The following AGBL4 variants were observed in gnomAD, a reference collection of about 807,000 sequenced individuals.
AGBL4 encodes the protein AGBL carboxypeptidase 4.
A neutral mutation model predicts 66.4 loss-of-function variants in AGBL4; 58 were observed. The observed-to-expected ratio is 0.87, with a 90% confidence interval of 0.71 to 1.09. AGBL4 has a LOEUF of 1.09. Among genes scored for constraint, AGBL4 ranks in the 50% least tolerant of loss-of-function variants. The probability of loss-of-function intolerance (pLI) is 0.00; values close to 1 mark genes in which losing one functional copy is unlikely to be tolerated. For synonymous variants in AGBL4, 234 were observed against 222.9 expected, an observed-to-expected ratio of 1.05 and a Z score of -0.44; for missense variants, 579 against 631.0, an observed-to-expected ratio of 0.92 and a Z score of 0.88.
At chr1:49,947,996 AT>A (rs1557607490) in intron 1 of AGBL4, among the ~76,000 whole-genome samples, 2 of 40,004 alleles carry the variant, frequency 5.0e-5, no homozygotes, top group Non-Finnish European at 1.2e-4. Flanking sequence ...ATTTATATAT[AT>A]AAATATATAT....
chr1:49,886,439 T>C (rs1648047210), intron 1 of AGBL4, among the ~76,000 whole-genome samples: 1 of 152,018 alleles, frequency 6.6e-6, no homozygotes. Context: ...AGGCATTGTA[T>C]GATATGCTAA....
chr1:49,618,606 A>C (rs942741866), intron 3 of AGBL4, among the ~76,000 whole-genome samples: 1 of 152,222 alleles, frequency 6.6e-6, no homozygotes. Flanking sequence ...ATTCCTCCCT[A>C]ATTCATTTTA....
intron 3 of AGBL4, among the ~76,000 whole-genome samples, chr1:49,426,606 C>T (rs1484062163): frequency 6.6e-6 from 1 of 151,996 alleles, no homozygotes; most frequent in African/African-American, 2.4e-5. Flanking sequence ...TGAGCAATAG[C>T]TTCTACTTAT....
chr1:48,963,200 CA>C (rs1407296004), intron 5 of AGBL4, among the ~76,000 whole-genome samples: 1 of 151,608 alleles, frequency 6.6e-6, no homozygotes, highest in Non-Finnish European at 1.5e-5. Flanking sequence ...AAAAGGAAGC[CA>C]CATTCCCAAA....
intron 3 of AGBL4, among the ~76,000 whole-genome samples, chr1:49,659,080 G>A (rs1434235956): frequency 6.6e-6 from 1 of 151,988 alleles, no homozygotes. Flanking sequence ...ATAAACAAAG[G>A]AGAAATAAAA....
At chr1:49,462,349 G>T (rs1646533262) in intron 3 of AGBL4, among the ~76,000 whole-genome samples, 1 of 151,700 alleles carries the variant, frequency 6.6e-6, no homozygotes, top group Non-Finnish European at 1.5e-5. Context: ...TATAACTTAG[G>T]GAGATAGAAT....
intron 2 of AGBL4, among the ~76,000 whole-genome samples, chr1:49,714,593 T>TACAC (rs1169805560): frequency 1.1e-4 from 12 of 113,990 alleles, no homozygotes; most frequent in African/African-American, 3.8e-4. Flanking sequence ...TATATATATA[T>TACAC]ACACACACAC....
At chr1:49,808,555 C>T (rs1040727264) in intron 2 of AGBL4, among the ~76,000 whole-genome samples, 2 of 152,056 alleles carry the variant, frequency 1.3e-5, no homozygotes, top group African/African-American at 4.8e-5. Context: ...TTAGTATATA[C>T]ATATACGTGT....
At chr1:49,395,733 GTA>G (rs541936185) in intron 3 of AGBL4, among the ~76,000 whole-genome samples, 12 of 136,658 alleles carry the variant, frequency 8.8e-5, no homozygotes, top group African/African-American at 2.8e-4. Flanking sequence ...CAAAATGTGT[GTA>G]TATATATATA....
chr1:49,829,845 C>T (rs771151940), intron 2 of AGBL4, among the ~76,000 whole-genome samples: 1 of 152,148 alleles, frequency 6.6e-6, no homozygotes, highest in Non-Finnish European at 1.5e-5. Flanking sequence ...TCAACTCCCA[C>T]TAATGAGTGA....
chr1:49,496,772 TGATA>T (rs1163919081), intron 3 of AGBL4, among the ~76,000 whole-genome samples: 2 of 152,076 alleles, frequency 1.3e-5, no homozygotes, highest in Non-Finnish European at 2.9e-5. Context: ...ATTCATCGGC[TGATA>T]GATACTTATG....
At chr1:49,410,243 C>G (rs546383122) in intron 3 of AGBL4, among the ~76,000 whole-genome samples, 2 of 152,178 alleles carry the variant, frequency 1.3e-5, no homozygotes, top group Admixed American at 1.3e-4. Context: ...GCTGCATTCC[C>G]GAGCACGACT....
chr1:48,567,209 G>A (rs904546904), intron 11 of AGBL4, among the ~76,000 whole-genome samples: 3 of 152,172 alleles, frequency 2.0e-5, no homozygotes, highest in African/African-American at 7.2e-5. Context: ...GACTGTGTAT[G>A]TCAGAGCACC....
intron 8 of AGBL4, among the ~76,000 whole-genome samples, chr1:48,636,376 G>A (rs1389415042): frequency 6.6e-6 from 1 of 152,122 alleles, no homozygotes; most frequent in African/African-American, 2.4e-5. Context: ...ACCTTTACAT[G>A]AATTATCGCA....
chr1:49,887,035 G>A (rs1051905517), intron 1 of AGBL4, among the ~76,000 whole-genome samples: 2 of 151,854 alleles, frequency 1.3e-5, no homozygotes, highest in Non-Finnish European at 2.9e-5. Context: ...GTTGTGATAA[G>A]TGCTGGAGAT....
intron 3 of AGBL4, among the ~76,000 whole-genome samples, chr1:49,336,218 C>A (rs569175403): frequency 2.0e-5 from 3 of 151,988 alleles, no homozygotes; most frequent in South Asian, 2.1e-4. Context: ...CAAAGCCCCC[C>A]CTGAGAATCA....
At chr1:48,899,980 G>A (rs1651926604) in intron 5 of AGBL4, among the ~76,000 whole-genome samples, 1 of 152,202 alleles carries the variant, frequency 6.6e-6, no homozygotes, top group South Asian at 2.1e-4. Flanking sequence ...ATTAGGGGCT[G>A]GGGTGGGGTC....
At chr1:49,397,352 A>G (rs545909591) in intron 3 of AGBL4, among the ~76,000 whole-genome samples, 38 of 152,290 alleles carry the variant, frequency 2.5e-4, no homozygotes, top group African/African-American at 8.4e-4. Context: ...ATAAGCATGC[A>G]TGCATCTTTA....
intron 3 of AGBL4, among the ~76,000 whole-genome samples, chr1:49,573,140 G>T (rs964910288): frequency 5.9e-5 from 8 of 134,634 alleles, no homozygotes; most frequent in African/African-American, 2.5e-4. Flanking sequence ...GTCTGTGTGT[G>T]TGTGTCTGTG....
Sources: gnomAD v4.1 joint callset for allele counts (sites outside exome capture counted in the v4.1 genomes callset) on GRCh38, gnomAD v4.1.1 for gene constraint, MANE v1.5 for transcripts, NCBI Gene and HGNC (gene_info 2026-07-23, HGNC 2026-07-21) for gene names.